The following NUBPL variants were observed in gnomAD, a reference collection of about 807,000 sequenced individuals.
NUBPL encodes NUBP iron-sulfur cluster assembly factor, mitochondrial.
A neutral mutation model predicts 45.7 loss-of-function variants in NUBPL; 31 were observed. The observed-to-expected ratio is 0.68, with a 90% CI of 0.51 to 0.92. The LOEUF (loss-of-function observed/expected upper bound fraction) is 0.92. Ranked by LOEUF, NUBPL falls within the 40% of genes least tolerant of loss-of-function variation. The pLI, the probability that NUBPL is intolerant of heterozygous loss-of-function variation, is 0.00. For missense variants in NUBPL, 401 were observed against 398.7 expected (o/e 1.01, Z -0.05); for synonymous variants, 144 against 140.9 (o/e 1.02, Z -0.15).
intron 6 of NUBPL, among the ~76,000 whole-genome samples, chr14:31,780,939 T>A (rs2039181820): frequency 6.6e-6 from 1 of 152,216 alleles, no homozygotes; most frequent in Admixed American, 6.5e-5. Flanking sequence ...TCAACAGCAT[T>A]CCTTATTTGA....
At chr14:31,606,194 A>G (rs2034595251) in intron 4 of NUBPL, among the ~76,000 whole-genome samples, 1 of 150,622 alleles carries the variant, frequency 6.6e-6, no homozygotes, top group Non-Finnish European at 1.5e-5. Flanking sequence ...CCTGGGCTCA[A>G]GTGACTGTCC....
chr14:31,626,488 C>T (rs1416310979), intron 4 of NUBPL, among the ~76,000 whole-genome samples: 1 of 152,188 alleles, frequency 6.6e-6, no homozygotes, highest in Non-Finnish European at 1.5e-5. Context: ...TCTCTGTAAC[C>T]TTCCTCTTTC....
At chr14:31,618,886 G>A (rs143990688) in intron 4 of NUBPL, among the ~76,000 whole-genome samples, 4 of 152,096 alleles carry the variant, frequency 2.6e-5, no homozygotes, top group African/African-American at 9.7e-5. Flanking sequence ...TGACAGTGGG[G>A]TGTTAAAGTG....
intron 8 of NUBPL, among the ~76,000 whole-genome samples, chr14:31,840,327 A>G (rs2040348810): frequency 1.3e-5 from 2 of 152,176 alleles, no homozygotes; most frequent in Admixed American, 1.3e-4. Flanking sequence ...TAATCCCAGC[A>G]CTTTGGGAGG....
At chr14:31,676,857 A>G (rs932759477) in intron 6 of NUBPL, among the ~76,000 whole-genome samples, 2 of 151,634 alleles carry the variant, frequency 1.3e-5, no homozygotes, top group Non-Finnish European at 2.9e-5. Flanking sequence ...AGATATTGGG[A>G]GTATTTATCC....
intron 8 of NUBPL, among the ~76,000 whole-genome samples, chr14:31,837,848 G>T (rs2040306369): frequency 6.6e-6 from 1 of 152,122 alleles, no homozygotes; most frequent in South Asian, 2.1e-4. Flanking sequence ...TAGTAGAAAA[G>T]ATAGCTGGGC....
At position 31,838,603 on chromosome 14, in the gene NUBPL, C is replaced by T. The variant is rs542918558; in HGVS notation, c.694-7868C>T. Reference sequence around the variant, plus strand: ...GTTTGGAGGATATATAGGGAAACTTCTGGGGTGTTGGCAACATTTTATTAA... The same window carrying T: ...GTTTGGAGGATATATAGGGAAACTTTTGGGGTGTTGGCAACATTTTATTAA... On this transcript the variant is annotated intron_variant, in intron 8 of 10. Coordinates refer to ENST00000281081, the MANE Select transcript of NUBPL (RefSeq NM_025152.3). 3.3e-5 allele frequency among the ~76,000 whole-genome samples: 5 copies of T among 152,240 alleles called. No individual in the cohort carries two copies. The East Asian group carries it at 7.7e-4, about 23-fold the overall frequency.
At chr14:31,648,431 C>G (rs552845121) in intron 4 of NUBPL, among the ~76,000 whole-genome samples, 1 of 152,292 alleles carries the variant, frequency 6.6e-6, no homozygotes, top group African/African-American at 2.4e-5. Context: ...AATCCATATT[C>G]CTACACCATA....
chr14:31,795,267 A>G (rs1307263379), intron 7 of NUBPL, among the ~76,000 whole-genome samples: 8 of 149,552 alleles, frequency 5.3e-5, no homozygotes, highest in South Asian at 2.1e-4. Flanking sequence ...AATTCTGTGA[A>G]GAAAGTCATT....
At chr14:31,702,814 A>G (rs2139898628) in intron 6 of NUBPL, among the ~76,000 whole-genome samples, 1 of 152,228 alleles carries the variant, frequency 6.6e-6, no homozygotes, top group East Asian at 1.9e-4. Flanking sequence ...GTCATTAAAA[A>G]GAAAAAATTT....
At chr14:31,655,908 C>T (rs1408358030) in intron 4 of NUBPL, among the ~76,000 whole-genome samples, 1 of 152,150 alleles carries the variant, frequency 6.6e-6, no homozygotes, top group East Asian at 1.9e-4. Context: ...TATTTGAAGC[C>T]AAGCATTAAC....
At chr14:31,604,344 T>C (rs2034526636) in intron 4 of NUBPL, among the ~76,000 whole-genome samples, 1 of 152,198 alleles carries the variant, frequency 6.6e-6, no homozygotes, top group Admixed American at 6.5e-5. Flanking sequence ...TTCTACTAAT[T>C]GGTATCATTC....
At chr14:31,598,948 G>A (rs2034352375) in intron 3 of NUBPL, among the ~76,000 whole-genome samples, 1 of 152,126 alleles carries the variant, frequency 6.6e-6, no homozygotes, top group Non-Finnish European at 1.5e-5. Flanking sequence ...TTGTTTACAT[G>A]TAATTTGTTC....
chr14:31,708,999 G>A (rs1188237625), intron 6 of NUBPL, among the ~76,000 whole-genome samples: 1 of 152,132 alleles, frequency 6.6e-6, no homozygotes, highest in African/African-American at 2.4e-5. Context: ...GAACCACCAA[G>A]GTTTGTTTGT....
At chr14:31,746,127 A>C (rs1158316561) in intron 6 of NUBPL, among the ~76,000 whole-genome samples, 2 of 152,050 alleles carry the variant, frequency 1.3e-5, no homozygotes, top group Non-Finnish European at 2.9e-5. Context: ...TATCATCTGC[A>C]AACAGGGACA....
At chr14:31,614,496 C>T (rs975851453) in intron 4 of NUBPL, among the ~76,000 whole-genome samples, 1 of 152,130 alleles carries the variant, frequency 6.6e-6, no homozygotes, top group Non-Finnish European at 1.5e-5. Context: ...GACACACATA[C>T]ATGTGTATAT....
chr14:31,838,263 A>G (rs2040313480), intron 8 of NUBPL, among the ~76,000 whole-genome samples: 1 of 143,866 alleles, frequency 7.0e-6, no homozygotes, highest in South Asian at 2.4e-4. Flanking sequence ...TTAAATACAT[A>G]TAACCTAATA....
chr14:31,669,809 G>GTTTTTTTTTTTTTTTTTT (rs35705230), intron 4 of NUBPL, among the ~76,000 whole-genome samples: 3 of 51,526 alleles, frequency 5.8e-5, no homozygotes, highest in Non-Finnish European at 9.4e-5. Context: ...TTTTTTTTTT[G>GTTTTTTTTTTTTTTTTTT]TTTTTTTTTT....
At chr14:31,828,415 A>G (rs1406027777) in intron 8 of NUBPL, among the ~76,000 whole-genome samples, 1 of 152,222 alleles carries the variant, frequency 6.6e-6, no homozygotes, top group African/African-American at 2.4e-5. Context: ...AAATTAGATA[A>G]CAGTGCCAAT....
Sources: gnomAD v4.1 joint callset for allele counts (sites outside exome capture counted in the v4.1 genomes callset) on GRCh38, gnomAD v4.1.1 for gene constraint, MANE v1.5 for transcripts, NCBI Gene and HGNC (gene_info 2026-07-23, HGNC 2026-07-21) for gene names.